Variants in ZEB1 observed in about 807,000 individuals in gnomAD.
ZEB1 encodes zinc finger E-box binding homeobox 1.
Under a neutral mutation model 84.9 loss-of-function variants are expected in ZEB1, and 21 were observed. The observed-to-expected ratio is 0.25, with a 90% CI of 0.18 to 0.36. The LOEUF (loss-of-function observed/expected upper bound fraction) is 0.36, where lower values mean the gene tolerates loss of function less well. Ranked by LOEUF, ZEB1 falls within the 10% of genes least tolerant of loss-of-function variation. The pLI, the probability that ZEB1 is intolerant of heterozygous loss-of-function variation, is 1.00. For synonymous variants in ZEB1, 420 were observed against 471.1 expected (o/e 0.89, Z 1.41); for missense variants, 1,104 against 1,330.2 (o/e 0.83, Z 2.65).
At chr10:31,454,736 A>C (rs2060994503) in intron 1 of ZEB1, among the ~76,000 whole-genome samples, 1 of 152,234 alleles carries the variant, frequency 6.6e-6, no homozygotes, top group African/African-American at 2.4e-5. Context: ...GGAGAACTAC[A>C]AACCACTTCT....
rs1242769712 is a variant in ZEB1 at position 31,408,284 on chromosome 10, A to G, written c.59-52753A>G. ...GGAAGAACATTCCATGCTCATGGCT[A>G]GGAAGAATCAATATCGTGAAAATGG... On this transcript the variant is annotated intron_variant, in intron 1 of 8. Transcript: ENST00000424869. Among the ~76,000 whole-genome samples, 43 of 150,938 alleles carry G rather than the reference A, an allele frequency of 2.8e-4. 4 individuals are homozygous for G. Among genetic ancestry groups the G allele is most frequent in the African/African-American group, 1.0e-3 (43 of 41,288 alleles).
intron 1 of ZEB1, among the ~76,000 whole-genome samples, chr10:31,383,030 T>G (rs1005670575): frequency 6.6e-6 from 1 of 151,884 alleles, no homozygotes; most frequent in Non-Finnish European, 1.5e-5. Flanking sequence ...ATGCTGAGAG[T>G]CACAATAATG....
In ZEB1 at chr10:31,337,805, C is replaced by T. The variant is rs897945643; in HGVS notation, c.58+18513C>T. Among the ~76,000 whole-genome samples, 26 of 151,726 alleles carry T rather than the reference C, an allele frequency of 1.7e-4. No individual in the cohort carries two copies. In the East Asian group the frequency reaches 5.0e-3, roughly 29 times the overall value. ...GGTCAAGCGATTCTCCTGCCTCAGC[C>T]TCCCCAGTAGCTGGGATTACAGGCA... On this transcript the variant is annotated intron_variant, in intron 1 of 8. Coordinates refer to ENST00000424869, the MANE Select transcript of ZEB1 (RefSeq NM_001174096.2).
chr10:31,319,402 C>T (rs1231388551), intron 1 of ZEB1, 110 bp downstream of exon 1: 13 of 1,100,640 alleles, frequency 1.2e-5, no homozygotes, highest in Non-Finnish European at 1.6e-5. Context: ...GGGGCAGGGA[C>T]GGCAAAGTGG....
intron 2 of ZEB1, among the ~76,000 whole-genome samples, chr10:31,480,605 T>G (rs1458532493): frequency 6.6e-6 from 1 of 152,090 alleles, no homozygotes; most frequent in African/African-American, 2.4e-5. Flanking sequence ...ACACTTCCAT[T>G]TGCACTAAAT....
intron 1 of ZEB1, among the ~76,000 whole-genome samples, chr10:31,423,473 A>G (rs1051871428): frequency 5.3e-5 from 8 of 152,136 alleles, no homozygotes; most frequent in African/African-American, 1.9e-4. Flanking sequence ...AAACTTGTTA[A>G]TATTATGCAT....
In ZEB1 at chr10:31,436,731, T is replaced by C. The variant is rs536534730; in HGVS notation, c.59-24306T>C. 1.1e-4 allele frequency among the ~76,000 whole-genome samples: 16 copies of C among 152,310 alleles called. No individual in the cohort carries two copies. The South Asian group carries it at 3.3e-3, about 32-fold the overall frequency. On this transcript the variant is annotated intron_variant, in intron 1 of 8. Transcript: ENST00000424869. ...TATACGAGGAGCATTGGTTGTAAGCTTTTCTATATATCAGTAGTAGAAATG... is the reference window on the plus strand; with the variant it reads ...TATACGAGGAGCATTGGTTGTAAGCCTTTCTATATATCAGTAGTAGAAATG...
At chr10:31,414,474 A>G (rs574668900) in intron 1 of ZEB1, among the ~76,000 whole-genome samples, 22 of 152,222 alleles carry the variant, frequency 1.4e-4, no homozygotes, top group Non-Finnish European at 2.6e-4. Flanking sequence ...ATGCATCACT[A>G]TCTTATGTAG....
Position 31,422,143 on chromosome 10 carries a change from A to C in ZEB1, c.59-38894A>C, listed in dbSNP as rs940673758. Reference sequence around the variant, plus strand: ...ATTAAAGTCACAAGACCAGTCTTTCAAATAGATGTTTTGAATGGGGCAAAG... The same window carrying C: ...ATTAAAGTCACAAGACCAGTCTTTCCAATAGATGTTTTGAATGGGGCAAAG... On this transcript the variant is annotated intron_variant, in intron 1 of 8. Coordinates refer to ENST00000424869, the MANE Select transcript of ZEB1 (RefSeq NM_001174096.2). Among the ~76,000 whole-genome samples, 5 of 152,256 alleles carry C rather than the reference A, an allele frequency of 3.3e-5. No individual in the cohort carries two copies. In the East Asian group the frequency reaches 9.7e-4, roughly 29 times the overall value.
chr10:31,388,856 C>T (rs894005702), intron 1 of ZEB1, among the ~76,000 whole-genome samples: 2 of 151,834 alleles, frequency 1.3e-5, no homozygotes, highest in African/African-American at 4.8e-5. Context: ...AATCTCCAAC[C>T]TAATGAAAAT....
intron 1 of ZEB1, among the ~76,000 whole-genome samples, chr10:31,385,305 C>G (rs1438064646): frequency 6.6e-6 from 1 of 152,144 alleles, no homozygotes; most frequent in African/African-American, 2.4e-5. Flanking sequence ...ATGCACCATA[C>G]ACATTGTCCA....
chr10:31,497,971 AGATT>A (rs917106831), intron 3 of ZEB1, among the ~76,000 whole-genome samples: 28 of 149,600 alleles, frequency 1.9e-4, no homozygotes, highest in African/African-American at 6.2e-4. Flanking sequence ...ATAGATAGAT[AGATT>A]TAAAAATATT....
chr10:31,487,746 T>A (rs1289755899), intron 2 of ZEB1, among the ~76,000 whole-genome samples: 1 of 151,390 alleles, frequency 6.6e-6, no homozygotes, highest in African/African-American at 2.4e-5. Flanking sequence ...AGTGTAATGT[T>A]AACTGTAGGT....
chr10:31,424,871 T>A (rs2056725411), intron 1 of ZEB1, among the ~76,000 whole-genome samples: 1 of 152,048 alleles, frequency 6.6e-6, no homozygotes, highest in Non-Finnish European at 1.5e-5. Context: ...TAATCAACAT[T>A]TTATGCTTAA....
chr10:31,364,097 G>T (rs2043957433), intron 1 of ZEB1, among the ~76,000 whole-genome samples: 1 of 152,200 alleles, frequency 6.6e-6, no homozygotes, highest in South Asian at 2.1e-4. Context: ...AAGCGGAGAG[G>T]ATACTCCTAA....
At chr10:31,351,726 C>T (rs1468355097) in intron 1 of ZEB1, among the ~76,000 whole-genome samples, 2 of 152,092 alleles carry the variant, frequency 1.3e-5, no homozygotes, top group Admixed American at 1.3e-4. Context: ...TGATATCCTT[C>T]AGAGGTTATC....
intron 1 of ZEB1, among the ~76,000 whole-genome samples, chr10:31,389,260 A>G (rs1041008261): frequency 6.6e-6 from 1 of 152,152 alleles, no homozygotes. Flanking sequence ...GATCATAGGT[A>G]GGAGGGAAAA....
intron 2 of ZEB1, among the ~76,000 whole-genome samples, chr10:31,471,403 G>T (rs1235340416): frequency 1.3e-5 from 2 of 150,900 alleles, no homozygotes; most frequent in African/African-American, 4.9e-5. Context: ...AAAAAGGCAG[G>T]GGTTGCAATC....
In ZEB1 at chr10:31,452,300, T is replaced by G. The variant is rs11813009; in HGVS notation, c.59-8737T>G. ...TTGTTCATTATTATATAACATTACA[T>G]TTGTATATTACATTATATCCTTCAT... On this transcript the variant is annotated intron_variant, in intron 1 of 8. Transcript: ENST00000424869. Among the ~76,000 whole-genome samples, 316 of 152,232 alleles carry G rather than the reference T, an allele frequency of 2.1e-3. 1 individual carries two copies. Among genetic ancestry groups the G allele is most frequent in the African/African-American group, 7.3e-3 (302 of 41,556 alleles).
Sources: allele counts gnomAD v4.1 joint callset (sites outside exome capture counted in the v4.1 genomes callset), GRCh38; gene constraint gnomAD v4.1.1; transcripts MANE v1.5; gene names NCBI Gene and HGNC (gene_info 2026-07-23, HGNC 2026-07-21).